CSMD1: variants seen among roughly 807,000 people sequenced by gnomAD.
CSMD1 encodes CUB and sushi domain-containing protein 1.
CSMD1 carries 213 observed loss-of-function variants against 417.5 expected under a neutral mutation model. The ratio of observed to expected loss-of-function variants is 0.51; its 90% CI spans 0.46 to 0.57. CSMD1 has a LOEUF of 0.57. Ranked by LOEUF, CSMD1 falls within the 20% of genes least tolerant of loss-of-function variation. The pLI, the probability that CSMD1 is intolerant of heterozygous loss-of-function variation, is 0.00. For missense variants in CSMD1, 6,923 were observed against 4,529.7 expected (o/e 1.53, Z -15.17); for synonymous variants, 2,862 against 1,736.8 (o/e 1.65, Z -16.11).
intron 26 of CSMD1, among the ~76,000 whole-genome samples, chr8:3,280,072 G>A (rs531555090): frequency 4.0e-5 from 6 of 149,754 alleles, no homozygotes; most frequent in South Asian, 2.1e-4. Context: ...ATCGGCCCCC[G>A]GGGTACCTGA....
chr8:3,864,437 T>C (rs1804943196), intron 5 of CSMD1, among the ~76,000 whole-genome samples: 1 of 152,126 alleles, frequency 6.6e-6, no homozygotes, highest in Non-Finnish European at 1.5e-5. Flanking sequence ...AGGAATACAG[T>C]ATGAGAAGGG....
chr8:4,634,298 G>A (rs1238041619), intron 2 of CSMD1, among the ~76,000 whole-genome samples: 1 of 152,016 alleles, frequency 6.6e-6, no homozygotes, highest in African/African-American at 2.4e-5. Flanking sequence ...TAAAGTTCCA[G>A]TTACAAGGTA....
chr8:3,871,006 A>AT (rs996108507), intron 5 of CSMD1, among the ~76,000 whole-genome samples: 4 of 151,850 alleles, frequency 2.6e-5, no homozygotes, highest in South Asian at 2.1e-4. Context: ...ATGTGTTATA[A>AT]TTTTTTTAAA....
At chr8:3,252,872 G>C (rs368991647) in intron 26 of CSMD1, among the ~76,000 whole-genome samples, 1 of 152,124 alleles carries the variant, frequency 6.6e-6, no homozygotes, top group Non-Finnish European at 1.5e-5. Flanking sequence ...AGTATTCTCT[G>C]ATGGTAGTTT....
chr8:4,538,221 C>T (rs1466374630), intron 2 of CSMD1, among the ~76,000 whole-genome samples: 1 of 148,338 alleles, frequency 6.7e-6, no homozygotes, highest in Non-Finnish European at 1.5e-5. Flanking sequence ...CTATTTACTG[C>T]CTTGATGTAT....
At chr8:4,861,514 G>C (rs1349262139) in intron 1 of CSMD1, among the ~76,000 whole-genome samples, 2 of 152,086 alleles carry the variant, frequency 1.3e-5, no homozygotes, top group Non-Finnish European at 2.9e-5. Flanking sequence ...TTAGTGTCAA[G>C]TGAGGGGTAT....
intron 33 of CSMD1, among the ~76,000 whole-genome samples, chr8:3,197,522 G>C (rs1345657093): frequency 3.4e-5 from 5 of 148,240 alleles, no homozygotes; most frequent in Admixed American, 6.8e-5. Flanking sequence ...CTGGAGTGCA[G>C]TGGCGCGATC....
intron 33 of CSMD1, among the ~76,000 whole-genome samples, chr8:3,194,024 A>C (rs1796566730): frequency 6.6e-6 from 1 of 152,204 alleles, no homozygotes; most frequent in Non-Finnish European, 1.5e-5. Flanking sequence ...GTAGTGACTG[A>C]GGGACATTTT....
At chr8:3,699,882 G>GCAGCATCCCTGGGTTATATCCCATAA (rs1563286122) in intron 7 of CSMD1, among the ~76,000 whole-genome samples, 5 of 143,880 alleles carry the variant, frequency 3.5e-5, no homozygotes, top group African/African-American at 1.3e-4. Context: ...ATATCCCATA[G>GCAGCATCCCTGGGTTATATCCCATAA]CTACATCCCT....
chr8:4,877,882 T>A (rs1187270441), intron 1 of CSMD1, among the ~76,000 whole-genome samples: 1 of 152,026 alleles, frequency 6.6e-6, no homozygotes, highest in Non-Finnish European at 1.5e-5. Context: ...CAGTGTAGCA[T>A]CAAGGAACAT....
chr8:4,909,396 C>T (rs1563738398), intron 1 of CSMD1, among the ~76,000 whole-genome samples: 2 of 152,094 alleles, frequency 1.3e-5, no homozygotes, highest in East Asian at 3.9e-4. Flanking sequence ...GCCATGACAC[C>T]CACTAAGTAT....
At chr8:4,773,611 G>T (rs373992128) in intron 1 of CSMD1, among the ~76,000 whole-genome samples, 1 of 152,080 alleles carries the variant, frequency 6.6e-6, no homozygotes, top group African/African-American at 2.4e-5. Flanking sequence ...GATTCCTCAG[G>T]AGTGTTTGTC....
chr8:4,910,715 TGTAA>T (rs952164195), intron 1 of CSMD1, among the ~76,000 whole-genome samples: 4 of 152,226 alleles, frequency 2.6e-5, no homozygotes, highest in South Asian at 2.1e-4. Flanking sequence ...AGATATTCTT[TGTAA>T]GTGTTAAAAA....
chr8:4,972,838 A>C (rs1810325168), intron 1 of CSMD1, among the ~76,000 whole-genome samples: 2 of 152,282 alleles, frequency 1.3e-5, no homozygotes, highest in Admixed American at 6.5e-5. Flanking sequence ...AATATTGCCC[A>C]GTATCTGGAA....
intron 17 of CSMD1, among the ~76,000 whole-genome samples, chr8:3,394,023 TA>T (rs1563342335): frequency 0.016 from 1,530 of 96,072 alleles, 117 homozygotes; most frequent in South Asian, 0.16. Flanking sequence ...TATATATATA[TA>T]TATATATATA....
chr8:4,446,913 G>A (rs976240504), intron 2 of CSMD1, among the ~76,000 whole-genome samples: 5 of 150,680 alleles, frequency 3.3e-5, no homozygotes, highest in Admixed American at 1.3e-4. Context: ...GAGCCATTGC[G>A]CCTGGCAGAG....
chr8:4,531,924 C>G (rs535825664), intron 2 of CSMD1, among the ~76,000 whole-genome samples: 1 of 151,126 alleles, frequency 6.6e-6, no homozygotes, highest in South Asian at 2.1e-4. Flanking sequence ...AGAAATCCTG[C>G]AAGCCCATTC....
intron 1 of CSMD1, among the ~76,000 whole-genome samples, chr8:4,795,178 G>C (rs947888774): frequency 6.8e-6 from 1 of 147,942 alleles, no homozygotes; most frequent in African/African-American, 2.5e-5. Context: ...CACATTTTTA[G>C]GTGAAAAGAC....
Position 2,939,287 on chromosome 8 carries a change from C to T in CSMD1, c.10536-543G>A, listed in dbSNP as rs77098857. Among the ~76,000 whole-genome samples, 560 of 152,306 alleles carry T rather than the reference C, an allele frequency of 3.7e-3. 3 individuals are homozygous for T. Among genetic ancestry groups the T allele is most frequent in the African/African-American group, 0.013 (531 of 41,560 alleles). On this transcript the variant is annotated intron_variant, in intron 69 of 69. Transcript: ENST00000635120. Reference sequence around the variant, plus strand: ...GTGGGCATATGCCTAGCCTTTAGCACGGTATGCTTACACTAAATTTCAAGT... The same window carrying T: ...GTGGGCATATGCCTAGCCTTTAGCATGGTATGCTTACACTAAATTTCAAGT...
Sources: allele counts gnomAD v4.1 joint callset (sites outside exome capture counted in the v4.1 genomes callset), GRCh38; gene constraint gnomAD v4.1.1; transcripts MANE v1.5; gene names NCBI Gene and HGNC (gene_info 2026-07-23, HGNC 2026-07-21).